SPTLC1: variants seen among roughly 807,000 people sequenced by gnomAD.
The protein encoded by SPTLC1 is serine palmitoyltransferase long chain base subunit 1.
A neutral mutation model predicts 68.9 loss-of-function variants in SPTLC1; 55 were observed. The observed-to-expected ratio is 0.80, with a 90% CI of 0.64 to 1.00. SPTLC1 has a LOEUF of 1.00. Among genes scored for constraint, SPTLC1 ranks in the 50% least tolerant of loss-of-function variants. The pLI is 0.00. For synonymous variants in SPTLC1, 197 were observed against 201.6 expected (o/e 0.98, Z 0.19); for missense variants, 449 against 573.1 (o/e 0.78, Z 2.21).
intron 5 of SPTLC1, among the ~76,000 whole-genome samples, chr9:92,076,045 T>G (rs562319231): frequency 2.0e-5 from 3 of 152,304 alleles, no homozygotes; most frequent in Admixed American, 2.0e-4. Context: ...TCACTGAAAC[T>G]GCTGCACTCT....
chr9:92,100,837 GAA>G (rs796520082), intron 3 of SPTLC1, among the ~76,000 whole-genome samples: 9 of 120,426 alleles, frequency 7.5e-5, no homozygotes, highest in African/African-American at 1.5e-4. Flanking sequence ...ACTAGCAAAA[GAA>G]AAAAAAAAAA....
chr9:92,065,852 A>G (rs1422988853), intron 6 of SPTLC1, among the ~76,000 whole-genome samples: 2 of 152,220 alleles, frequency 1.3e-5, no homozygotes, highest in East Asian at 3.8e-4. Flanking sequence ...CTGTAGGGCT[A>G]TAGTGAGGAA....
At chr9:92,075,646 A>G (rs2118649368) in intron 5 of SPTLC1, among the ~76,000 whole-genome samples, 1 of 152,294 alleles carries the variant, frequency 6.6e-6, no homozygotes, top group Middle Eastern at 3.4e-3. Context: ...CACAGCCCTT[A>G]TACTCTTAGA....
At chr9:92,080,192 A>G (rs1834829238) in intron 4 of SPTLC1, 104 bp from the exon 5 acceptor site, 2 of 858,464 alleles carry the variant, frequency 2.3e-6, no homozygotes, top group East Asian at 2.7e-5. Flanking sequence ...TCCTCCTCCA[A>G]CTCTAACAGA....
In SPTLC1 at chr9:92,047,112, G is replaced by A. The variant is rs1332022834; in HGVS notation, c.1081+60C>T. On this transcript the variant is annotated intron_variant, in intron 11 of 14. Transcript: ENST00000262554. ...AATAATTTCTCCAGTAAGTAAATCAGTAACACAACTAACGTAACCTGAAAT... is the reference window on the plus strand; with the variant it reads ...AATAATTTCTCCAGTAAGTAAATCAATAACACAACTAACGTAACCTGAAAT... 5.8e-6 allele frequency: 8 copies of A among 1,381,654 alleles called. No homozygotes were observed. In the African/African-American group the frequency reaches 1.1e-4, roughly 20 times the overall value. 85.6% of individuals were successfully genotyped at this position (1,381,654 alleles called of 1,614,324 possible). A position where few individuals can be genotyped will look rare whatever the true frequency, so the allele number is the denominator to read the frequency against.
intron 8 of SPTLC1, 92 bp downstream of exon 8, chr9:92,055,313 G>A (rs12006256): frequency 0.015 from 23,928 of 1,583,964 alleles, 567 homozygotes; most frequent in African/African-American, 0.099. Flanking sequence ...GCAAAGCAAC[G>A]CAGACGTTAT....
chr9:92,047,987 T>C (rs1481102510), intron 9 of SPTLC1, among the ~76,000 whole-genome samples: 2 of 152,052 alleles, frequency 1.3e-5, no homozygotes, highest in Non-Finnish European at 2.9e-5. Context: ...TATAAGAAAA[T>C]AAAACCCAAA....
At chr9:92,069,569 T>C (rs907003366) in intron 5 of SPTLC1, among the ~76,000 whole-genome samples, 1 of 152,166 alleles carries the variant, frequency 6.6e-6, no homozygotes, top group Non-Finnish European at 1.5e-5. Flanking sequence ...CTAGGAGAGA[T>C]GCTATCAGAA....
intron 8 of SPTLC1, among the ~76,000 whole-genome samples, chr9:92,051,891 T>A (rs1833715591): frequency 6.6e-6 from 1 of 152,180 alleles, no homozygotes; most frequent in Admixed American, 6.5e-5. Context: ...TAGTGATAAA[T>A]TTAACCAAAG....
Position 92,087,979 on chromosome 9 carries a change from G to A in SPTLC1, c.261-7016C>T, listed in dbSNP as rs112258653. On this transcript the variant is annotated intron_variant, in intron 3 of 14. Transcript: ENST00000262554. ...GCGCCCCTCTCCCGGCCTCGCTGCCGCCTTGCAGTTTGATCTCAGATTGCT... is the reference window on the plus strand; with the variant it reads ...GCGCCCCTCTCCCGGCCTCGCTGCCACCTTGCAGTTTGATCTCAGATTGCT... Among the ~76,000 whole-genome samples the A allele has an allele frequency of 3.0e-3, 460 of 152,342 alleles. 2 individuals carry two copies. The highest frequency in any genetic ancestry group is 0.01 in the Middle Eastern group (3 of 294).
At position 92,046,059 on chromosome 9, in the gene SPTLC1, T is replaced by A. The variant is rs1233930618; in HGVS notation, c.1082-6A>T. The A allele has an allele frequency of 1.2e-6, 2 of 1,611,802 alleles. No homozygotes were observed. Among genetic ancestry groups the A allele is most frequent in the Admixed American group, 1.7e-5 (1 of 59,918 alleles). On this transcript the variant is annotated splice_region_variant and splice_polypyrimidine_tract_variant and intron_variant, in intron 11 of 14. Coordinates refer to ENST00000262554, the MANE Select transcript of SPTLC1 (RefSeq NM_006415.4). ...CTTCAACACTGCAAAAATACCTAGA[T>A]GAAAAAAATACGTTTGAGAGTCTAT...
chr9:92,057,646 G>C (rs1833942831), intron 7 of SPTLC1, among the ~76,000 whole-genome samples: 1 of 152,106 alleles, frequency 6.6e-6, no homozygotes, highest in Admixed American at 6.5e-5. Flanking sequence ...GACCATTATG[G>C]GAACCCTGTA....
chr9:92,034,741 A>G (rs941251547), intron 14 of SPTLC1, 69 bp downstream of exon 14: 3 of 1,366,500 alleles, frequency 2.2e-6, no homozygotes, highest in African/African-American at 2.9e-5. Flanking sequence ...AAATTTTTCA[A>G]AAGATAACGT....
At chr9:92,092,768 A>C (rs1835410019) in intron 3 of SPTLC1, among the ~76,000 whole-genome samples, 1 of 152,188 alleles carries the variant, frequency 6.6e-6, no homozygotes, top group African/African-American at 2.4e-5. Flanking sequence ...CTACAGCTGG[A>C]ATAGTACTTA....
chr9:92,099,068 T>C (rs1052659056), intron 3 of SPTLC1, among the ~76,000 whole-genome samples: 3 of 152,206 alleles, frequency 2.0e-5, no homozygotes, highest in Non-Finnish European at 4.4e-5. Flanking sequence ...CCTCATAACA[T>C]TGGCCCAACT....
At chr9:92,098,195 TG>T (rs1434990917) in intron 3 of SPTLC1, among the ~76,000 whole-genome samples, 7 of 152,140 alleles carry the variant, frequency 4.6e-5, no homozygotes, top group Non-Finnish European at 1.0e-4. Context: ...TCGGGTACCC[TG>T]ACTCAGCATT....
At chr9:92,061,784 A>G (rs1014251788) in intron 6 of SPTLC1, among the ~76,000 whole-genome samples, 8 of 152,244 alleles carry the variant, frequency 5.3e-5, no homozygotes, top group African/African-American at 9.6e-5. Context: ...CAATGACACC[A>G]GTAGTCTATT....
intron 9 of SPTLC1, among the ~76,000 whole-genome samples, chr9:92,049,197 G>C (rs10992212): frequency 2.0e-5 from 3 of 152,112 alleles, no homozygotes; most frequent in Non-Finnish European, 2.9e-5. Context: ...GCGGGATGTC[G>C]ATAATGTAAG....
intron 8 of SPTLC1, chr9:92,051,061 C>T: frequency 4.1e-6 from 4 of 985,148 alleles, no homozygotes; most frequent in Non-Finnish European, 3.6e-6. Context: ...ATTACTGTAG[C>T]CCTATAATAT....
Sources: gnomAD v4.1 joint callset for allele counts (sites outside exome capture counted in the v4.1 genomes callset) on GRCh38, gnomAD v4.1.1 for gene constraint, MANE v1.5 for transcripts, NCBI Gene and HGNC (gene_info 2026-07-23, HGNC 2026-07-21) for gene names.